Variants in SEM1 observed in about 807,000 individuals in gnomAD.
SEM1 encodes 26S proteasome complex subunit SEM1.
A neutral mutation model predicts 12.7 loss-of-function variants in SEM1; 3 were observed. The ratio of observed to expected loss-of-function variants is 0.24; its 90% confidence interval spans 0.11 to 0.61. The LOEUF is 0.61. Among genes scored for constraint, SEM1 ranks in the 20% least tolerant of loss-of-function variants. The pLI, the probability that SEM1 is intolerant of heterozygous loss-of-function variation, is 0.88. For synonymous variants in SEM1, 30 were observed against 27.8 expected (o/e 1.08, Z -0.25); for missense variants, 59 against 81.3 (o/e 0.73, Z 1.06).
intron 2 of SEM1, among the ~76,000 whole-genome samples, chr7:96,524,163 CCTT>C (rs1462856623): frequency 6.6e-6 from 1 of 152,120 alleles, no homozygotes; most frequent in Non-Finnish European, 1.5e-5. Flanking sequence ...CACTTCCAAT[CCTT>C]CTACTCATCT....
At chr7:96,543,996 A>G (rs1353018495) in intron 2 of SEM1, among the ~76,000 whole-genome samples, 2 of 152,038 alleles carry the variant, frequency 1.3e-5, no homozygotes, top group Non-Finnish European at 2.9e-5. Flanking sequence ...TGTCCCACAA[A>G]TTATATAGCC....
intron 2 of SEM1, among the ~76,000 whole-genome samples, chr7:96,530,932 G>C (rs1804619570): frequency 6.6e-6 from 1 of 152,066 alleles, no homozygotes; most frequent in African/African-American, 2.4e-5. Flanking sequence ...ATCATCATGA[G>C]AGGAAGAGAA....
chr7:96,547,385 G>A (rs1357165147), intron 2 of SEM1, among the ~76,000 whole-genome samples: 1 of 152,142 alleles, frequency 6.6e-6, no homozygotes, highest in Non-Finnish European at 1.5e-5. Flanking sequence ...GGAATGAATA[G>A]AGTATTGTGG....
chr7:96,535,057 A>G (rs1338374273), intron 2 of SEM1, among the ~76,000 whole-genome samples: 1 of 152,038 alleles, frequency 6.6e-6, no homozygotes, highest in Non-Finnish European at 1.5e-5. Flanking sequence ...TGGTTTGCAT[A>G]GCAAAATTAT....
At chr7:96,560,774 T>C (rs951537788) in intron 2 of SEM1, among the ~76,000 whole-genome samples, 1 of 152,064 alleles carries the variant, frequency 6.6e-6, no homozygotes, top group Non-Finnish European at 1.5e-5. Context: ...TTAACCCCTA[T>C]GGCAGTTGTG....
At chr7:96,486,493 C>G (rs1802776984) in intron 1 of SEM1, 1 of 1,185,470 alleles carries the variant, frequency 8.4e-7, no homozygotes, top group Non-Finnish European at 1.2e-6. Context: ...CCTGTTCCAC[C>G]TGGCCCTGTG....
At chr7:96,516,158 T>G (rs1222786017) in intron 2 of SEM1, among the ~76,000 whole-genome samples, 1 of 151,870 alleles carries the variant, frequency 6.6e-6, no homozygotes, top group Non-Finnish European at 1.5e-5. Flanking sequence ...GAAGATACCA[T>G]AAGAAAAAAT....
In SEM1 at chr7:96,596,265, T is replaced by C. The variant is rs73708365; in HGVS notation, c.171-89567A>G. Among the ~76,000 whole-genome samples, 606 of 152,356 alleles carry C rather than the reference T, an allele frequency of 4.0e-3. 7 individuals are homozygous for C. Among genetic ancestry groups the C allele is most frequent in the African/African-American group, 0.013 (560 of 41,594 alleles). On this transcript the variant is annotated intron_variant and NMD_transcript_variant, in intron 2 of 3. Transcript: ENST00000466986. ...ACTTGTAAATGCCCCTGGGCTGGCC[T>C]GCCTTACAACCCTTTTCACATGGCA... is the stretch of plus-strand genomic sequence containing the variant.
intron 2 of SEM1, among the ~76,000 whole-genome samples, chr7:96,563,709 G>A (rs1315416083): frequency 6.6e-6 from 1 of 152,040 alleles, no homozygotes; most frequent in Non-Finnish European, 1.5e-5. Flanking sequence ...AGAACAGCAC[G>A]TGTAACCATT....
chr7:96,561,533 T>C (rs770762595), intron 2 of SEM1, among the ~76,000 whole-genome samples: 2 of 152,260 alleles, frequency 1.3e-5, no homozygotes, highest in African/African-American at 2.4e-5. Flanking sequence ...CTTCTCACTG[T>C]AGTCACTTTG....
intron 2 of SEM1, among the ~76,000 whole-genome samples, chr7:96,590,518 A>T (rs572009143): frequency 1.3e-5 from 2 of 152,228 alleles, no homozygotes; most frequent in East Asian, 1.9e-4. Flanking sequence ...CGTAATGATT[A>T]TATATACTGG....
intron 1 of SEM1, among the ~76,000 whole-genome samples, chr7:96,698,256 A>ATT (rs5885977): frequency 2.0e-5 from 3 of 151,684 alleles, no homozygotes; most frequent in Non-Finnish European, 4.4e-5. Flanking sequence ...TTGATTTGGG[A>ATT]TTTTTTTTAC....
downstream of SEM1, among the ~76,000 whole-genome samples, chr7:96,621,069 G>A (rs1465496237): frequency 6.6e-6 from 1 of 151,924 alleles, no homozygotes; most frequent in Non-Finnish European, 1.5e-5. Flanking sequence ...TATAAAATTT[G>A]TATTCATTAT....
chr7:96,511,387 A>G (rs1252287288), intron 2 of SEM1, among the ~76,000 whole-genome samples: 1 of 152,130 alleles, frequency 6.6e-6, no homozygotes, highest in Non-Finnish European at 1.5e-5. Flanking sequence ...AAAGATTCCA[A>G]GAGAGAGATT....
chr7:96,483,779 G>A lies in SEM1; in HGVS notation c.*80C>T, dbSNP rs1331858588. 2.6e-6 allele frequency: 4 copies of A among 1,511,774 alleles called. No individual in the cohort carries two copies. The South Asian group carries it at 3.6e-5, about 14-fold the overall frequency. 93.6% of individuals were successfully genotyped at this position (1,511,774 alleles called of 1,614,324 possible). A position where few individuals can be genotyped will look rare whatever the true frequency, so the allele number is the denominator to read the frequency against. The stretch of plus-strand genomic sequence containing the variant: ...TGTGCCTTGAAGACAGAGAGCCAGG[G>A]ATATCTGGTATCAGCATGTTTACTT... On this transcript the variant is annotated 3_prime_UTR_variant, in exon 4 of 4. Transcript: ENST00000356686.
At chr7:96,522,872 CA>C (rs1298107567) in intron 2 of SEM1, among the ~76,000 whole-genome samples, 2 of 88,570 alleles carry the variant, frequency 2.3e-5, no homozygotes, top group African/African-American at 8.9e-5. Flanking sequence ...GCCTGGGCAA[CA>C]AGAGTGAAAC....
chr7:96,524,920 TTCCATATC>T (rs1804401743), intron 2 of SEM1, among the ~76,000 whole-genome samples: 2 of 152,152 alleles, frequency 1.3e-5, no homozygotes, highest in South Asian at 4.1e-4. Flanking sequence ...ATATCAGTTT[TTCCATATC>T]CATTTCAATT....
At chr7:96,594,127 T>C (rs1806922243) in intron 2 of SEM1, among the ~76,000 whole-genome samples, 1 of 152,212 alleles carries the variant, frequency 6.6e-6, no homozygotes, top group African/African-American at 2.4e-5. Context: ...CTAATTTTGC[T>C]GTTATAATTA....
At chr7:96,535,991 G>A (rs538283402) in intron 2 of SEM1, among the ~76,000 whole-genome samples, 6 of 151,920 alleles carry the variant, frequency 3.9e-5, no homozygotes, top group Admixed American at 3.9e-4. Flanking sequence ...TGGGATTTCC[G>A]GGTCAGATGG....
Sources: allele counts gnomAD v4.1 joint callset (sites outside exome capture counted in the v4.1 genomes callset), GRCh38; gene constraint gnomAD v4.1.1; transcripts MANE v1.5; gene names NCBI Gene and HGNC (gene_info 2026-07-23, HGNC 2026-07-21).